Variants in PRKAA1 observed in about 807,000 individuals in gnomAD.
PRKAA1 encodes protein kinase AMP-activated catalytic subunit alpha 1.
PRKAA1 carries 23 observed loss-of-function variants against 56.9 expected under a neutral mutation model. That is an observed-to-expected ratio of 0.40 (90% confidence interval 0.29 to 0.57). The LOEUF (loss-of-function observed/expected upper bound fraction) is 0.57. Among genes scored for constraint, PRKAA1 ranks in the 20% least tolerant of loss-of-function variants. PRKAA1 has a pLI of 0.39. For synonymous variants in PRKAA1, 226 were observed against 227.0 expected (o/e 1.00, Z 0.04); for missense variants, 413 against 679.7 (o/e 0.61, Z 4.36).
chr5:40,769,819 A>G (rs1435472615), intron 4 of PRKAA1, among the ~76,000 whole-genome samples: 1 of 150,862 alleles, frequency 6.6e-6, no homozygotes, highest in African/African-American at 2.4e-5. Flanking sequence ...AAAATAATCT[A>G]TAACAGATGA....
intron 1 of PRKAA1, among the ~76,000 whole-genome samples, chr5:40,795,008 TACACACACACACAC>T (rs201435537): frequency 6.7e-6 from 1 of 149,948 alleles, no homozygotes; most frequent in African/African-American, 2.5e-5. Context: ...TACATATATA[TACACACACACACAC>T]ACACACACAC....
At chr5:40,785,878 A>AGAGC (rs1454892834) in intron 1 of PRKAA1, among the ~76,000 whole-genome samples, 31 of 149,040 alleles carry the variant, frequency 2.1e-4, no homozygotes, top group African/African-American at 6.4e-4. Flanking sequence ...AGAGAGAGAG[A>AGAGC]GCAAGCGAGC....
chr5:40,764,769 A>C lies in PRKAA1; in HGVS notation c.1291T>G (p.Leu431Val). 6.2e-7 allele frequency: 1 copy of C among 1,611,166 alleles called. No homozygotes were observed. The highest frequency in any genetic ancestry group is 8.5e-7 in the Non-Finnish European group (1 of 1,177,646). ...MAEVCRAIKQ[L>V]DYEWKVVNPY... Reference sequence around the variant, plus strand: ...TTTCTTACCTTCCATTCATAATCCAATTGTTTGATTGCTCTACATACTTCT... The same window carrying C: ...TTTCTTACCTTCCATTCATAATCCACTTGTTTGATTGCTCTACATACTTCT... Residue 431 changes from leucine to valine, a missense_variant, in exon 7 of 9, where the codon TTG becomes GTG. Around this residue, in one of 9 missense-constraint regions of PRKAA1, gnomAD observed 139 missense variants for 171.5 expected, o/e 0.81. Coordinates refer to ENST00000397128, the MANE Select transcript of PRKAA1 (RefSeq NM_006251.6).
chr5:40,785,642 A>C (rs1471642263), intron 1 of PRKAA1, among the ~76,000 whole-genome samples: 1 of 152,184 alleles, frequency 6.6e-6, no homozygotes, highest in African/African-American at 2.4e-5. Context: ...TATAAAAACA[A>C]GTGTAGTGAA....
At chr5:40,772,562 TA>T (rs548530546) in intron 3 of PRKAA1, among the ~76,000 whole-genome samples, 13 of 149,174 alleles carry the variant, frequency 8.7e-5, no homozygotes, top group Admixed American at 2.0e-4. Flanking sequence ...ATATGCTTGC[TA>T]AAAAAAAAAT....
At chr5:40,795,002 T>TACACACACAC (rs1268975851) in intron 1 of PRKAA1, among the ~76,000 whole-genome samples, 5 of 57,604 alleles carry the variant, frequency 8.7e-5, no homozygotes, top group East Asian at 4.4e-4. Flanking sequence ...GGTGTATACA[T>TACACACACAC]ATATATACAC....
intron 1 of PRKAA1, among the ~76,000 whole-genome samples, chr5:40,782,366 G>GC (rs1744297206): frequency 6.6e-6 from 1 of 152,184 alleles, no homozygotes; most frequent in Admixed American, 6.5e-5. Flanking sequence ...TATGTACTGA[G>GC]CATCTCCTAC....
At chr5:40,763,904 T>C (rs970997275) in intron 8 of PRKAA1, among the ~76,000 whole-genome samples, 1 of 152,176 alleles carries the variant, frequency 6.6e-6, no homozygotes, top group African/African-American at 2.4e-5. Context: ...AATAATTCTA[T>C]GCAACCTTCC....
At chr5:40,776,589 C>T (rs1744014599) in intron 2 of PRKAA1, among the ~76,000 whole-genome samples, 1 of 152,182 alleles carries the variant, frequency 6.6e-6, no homozygotes, top group South Asian at 2.1e-4. Flanking sequence ...GGAGAAAAAC[C>T]TAAGCATCTT....
At chr5:40,790,525 C>CTTTTT (rs1554033592) in intron 1 of PRKAA1, among the ~76,000 whole-genome samples, 1 of 112,032 alleles carries the variant, frequency 8.9e-6, no homozygotes. Context: ...TCAACTCTTT[C>CTTTTT]TTTTTTTTTT....
chr5:40,784,093 T>G (rs868156035), intron 1 of PRKAA1, among the ~76,000 whole-genome samples: 2 of 152,204 alleles, frequency 1.3e-5, no homozygotes, highest in African/African-American at 4.8e-5. Context: ...GCCTGGCATA[T>G]AGCAAGTGAT....
chr5:40,779,141 AT>A (rs1744157503), intron 1 of PRKAA1, among the ~76,000 whole-genome samples: 2 of 152,032 alleles, frequency 1.3e-5, no homozygotes, highest in African/African-American at 2.4e-5. Flanking sequence ...GAAAAAAAAA[AT>A]CAAGTCATTT....
intron 1 of PRKAA1, among the ~76,000 whole-genome samples, chr5:40,794,251 G>A (rs895548498): frequency 1.3e-5 from 2 of 152,178 alleles, no homozygotes; most frequent in Non-Finnish European, 1.5e-5. Flanking sequence ...TAGGGATGCT[G>A]AGCATTTTTT....
chr5:40,786,259 A>AG (rs1348169731), intron 1 of PRKAA1, among the ~76,000 whole-genome samples: 1 of 151,714 alleles, frequency 6.6e-6, no homozygotes, highest in Admixed American at 6.6e-5. Context: ...CGTCTCAAAA[A>AG]AAAAAAAAAA....
Position 40,777,558 on chromosome 5 carries a change from T to C in PRKAA1, c.156A>G (p.Lys52=). Residue 52 remains lysine, a synonymous_variant, in exon 2 of 9, where the codon AAA becomes AAG. Coordinates refer to ENST00000397128, the MANE Select transcript of PRKAA1 (RefSeq NM_006251.6). Reference sequence around the variant, plus strand: ...GTCGATTGAGTATCTTCACAGCTACTTTATGCCCAGTCAATTCATGTTTGC... The same window carrying C: ...GTCGATTGAGTATCTTCACAGCTACCTTATGCCCAGTCAATTCATGTTTGC... ...KVGKHELTGH[K]VAVKILNRQK... The C allele has an allele frequency of 6.2e-7, 1 of 1,612,338 alleles. No individual in the cohort carries two copies. The highest frequency in any genetic ancestry group is 8.5e-7 in the Non-Finnish European group (1 of 1,178,896).
At chr5:40,786,254 CAAAA>C (rs35972942) in intron 1 of PRKAA1, among the ~76,000 whole-genome samples, 6 of 123,822 alleles carry the variant, frequency 4.8e-5, no homozygotes, top group African/African-American at 9.2e-5. Context: ...GACTCCGTCT[CAAAA>C]AAAAAAAAAA....
At position 40,775,851 on chromosome 5, in the gene PRKAA1, C is replaced by T. The variant is rs80134261; in HGVS notation, c.270-348G>A. ...ATTATGTAATTATCTAGGAGGAAAG[C>T]GAAACTGGGAGAGGGAATAGCAACT... On this transcript the variant is annotated intron_variant, in intron 2 of 8. Transcript: ENST00000397128. Among the ~76,000 whole-genome samples, 1,009 of 151,958 alleles carry T rather than the reference C, an allele frequency of 6.6e-3. 3 individuals are homozygous for T. The highest frequency in any genetic ancestry group is 0.011 in the Non-Finnish European group (777 of 67,984).
At chr5:40,784,739 C>G (rs943927147) in intron 1 of PRKAA1, among the ~76,000 whole-genome samples, 2 of 152,122 alleles carry the variant, frequency 1.3e-5, no homozygotes, top group Non-Finnish European at 1.5e-5. Context: ...TCTCACCAAC[C>G]TGGAAGACTT....
Position 40,760,889 on chromosome 5 carries a change from T to C in PRKAA1, c.*1889A>G, listed in dbSNP as rs912377948. 6.6e-6 allele frequency: 1 copy of C among 152,120 alleles called. No homozygotes were observed. Among genetic ancestry groups the C allele is most frequent in the Non-Finnish European group, 1.5e-5 (1 of 67,974 alleles). The allele number at this position is 152,120 out of a possible 1,614,324, so 9.4% of individuals were successfully genotyped here. A position where few individuals can be genotyped will look rare whatever the true frequency, so the allele number is the denominator to read the frequency against. On this transcript the variant is annotated 3_prime_UTR_variant, in exon 9 of 9. Transcript: ENST00000397128. ...TCTGTTGCAATGGGAAAATGATTAA[T>C]ACAAAAAAATCAATTTCTTAAAGTT... is the stretch of plus-strand genomic sequence containing the variant.
Sources: gnomAD v4.1 joint callset for allele counts (sites outside exome capture counted in the v4.1 genomes callset) on GRCh38, gnomAD v4.1.1 for gene constraint, gnomAD v4.1.1 regional missense constraint, MANE v1.5 for transcripts, NCBI Gene and HGNC (gene_info 2026-07-23, HGNC 2026-07-21) for gene names.